CD96: variants seen among roughly 807,000 people sequenced by gnomAD.
CD96 encodes CD96 molecule, also known as T-cell surface protein tactile.
In CD96, 70 loss-of-function variants were observed where a neutral mutation model predicts 71.3. The observed-to-expected ratio is 0.98, with a 90% CI of 0.81 to 1.20. CD96 has a LOEUF of 1.20. Among genes scored for constraint, CD96 ranks in the 50% most tolerant of loss-of-function variants. The pLI is 0.00. For synonymous variants in CD96, 248 were observed against 233.0 expected (o/e 1.06, Z -0.59); for missense variants, 742 against 677.5 (o/e 1.10, Z -1.06).
chr3:111,544,978 A>T, intron 1 of CD96, 68 bp from the exon 2 acceptor site: 1 of 1,337,718 alleles, frequency 7.5e-7, no homozygotes, highest in Non-Finnish European at 1.1e-6. Flanking sequence ...TGAAGTGACT[A>T]GGGTTTTTAA....
chr3:111,638,157 T>C lies in CD96; in HGVS notation c.1466T>C (p.Val489Ala). 1 of 1,585,922 alleles carries C rather than the reference T, an allele frequency of 6.3e-7. No individual in the cohort carries two copies. The highest frequency in any genetic ancestry group is 1.3e-5 in the African/African-American group (1 of 74,466). Residue 489 changes from valine to alanine, a missense_variant, in exon 12 of 14, where the codon GTC becomes GCC. Coordinates refer to ENST00000352690, the MANE Select transcript of CD96 (RefSeq NM_005816.5). ...AATGGATCTACGAAAACTAATCACG[T>C]CCATATCACTGGTAAGTCATTTATC... ...TANGSTKTNH[V>A]HITGIVVNKP...
At chr3:111,624,127 A>C (rs1196784833) in intron 9 of CD96, among the ~76,000 whole-genome samples, 1 of 152,236 alleles carries the variant, frequency 6.6e-6, no homozygotes. Flanking sequence ...GAACAGAAAA[A>C]GAACACAAAT....
intron 10 of CD96, among the ~76,000 whole-genome samples, chr3:111,631,936 T>G (rs1206933991): frequency 6.6e-6 from 1 of 152,152 alleles, no homozygotes; most frequent in Admixed American, 6.5e-5. Context: ...TGCAGAAAAC[T>G]TAAACTGGAC....
At chr3:111,655,126 A>G (rs1440849244), downstream of CD96, among the ~76,000 whole-genome samples, 1 of 152,212 alleles carries the variant, frequency 6.6e-6, no homozygotes, top group Non-Finnish European at 1.5e-5. Context: ...ATTGGGTTGC[A>G]TTGGATTTTT....
rs182673744 is a variant in CD96, at chr3:111,586,149, T to C, written c.807+771T>C. 2.5e-3 allele frequency among the ~76,000 whole-genome samples: 386 copies of C among 152,322 alleles called. 3 individuals carry two copies. The highest frequency in any genetic ancestry group is 4.2e-3 in the Non-Finnish European group (286 of 68,022). ...TATATTAAGTGTTTAATAAACATTATTGTTCTTGTTTTTGTTATTATTATT... is the reference window on the plus strand; with the variant it reads ...TATATTAAGTGTTTAATAAACATTACTGTTCTTGTTTTTGTTATTATTATT... On this transcript the variant is annotated intron_variant, in intron 5 of 13. Coordinates refer to ENST00000352690, the MANE Select transcript of CD96 (RefSeq NM_005816.5).
intron 10 of CD96, among the ~76,000 whole-genome samples, chr3:111,631,715 C>G (rs1033366872): frequency 6.6e-6 from 1 of 152,062 alleles, no homozygotes; most frequent in Non-Finnish European, 1.5e-5. Context: ...TCATGCTACC[C>G]AACTTCAAAC....
chr3:111,543,992 C>T (rs1175997923), intron 1 of CD96, among the ~76,000 whole-genome samples: 1 of 152,156 alleles, frequency 6.6e-6, no homozygotes, highest in Non-Finnish European at 1.5e-5. Flanking sequence ...GCCTGGATGC[C>T]TGAATTAAAT....
chr3:111,619,264 T>C (rs1051690502), intron 8 of CD96, among the ~76,000 whole-genome samples: 1 of 1,764 alleles, frequency 5.7e-4, no homozygotes, highest in Non-Finnish European at 5.1e-3. Flanking sequence ...AAGGGTGGGT[T>C]TTTTTTTATT....
chr3:111,561,130 T>A (rs1935373627), intron 2 of CD96, among the ~76,000 whole-genome samples: 1 of 117,418 alleles, frequency 8.5e-6, no homozygotes, highest in Admixed American at 9.0e-5. Flanking sequence ...TTCAAAGTTT[T>A]CAACTTCTTT....
At chr3:111,594,495 C>G (rs543484766) in intron 5 of CD96, 3 of 329,700 alleles carry the variant, frequency 9.1e-6, no homozygotes, top group East Asian at 1.0e-4. Context: ...CATATCAGTT[C>G]CTGTAGCAAA....
At chr3:111,643,243 C>T (rs1352712178) in intron 12 of CD96, among the ~76,000 whole-genome samples, 1 of 152,070 alleles carries the variant, frequency 6.6e-6, no homozygotes, top group East Asian at 1.9e-4. Flanking sequence ...ACATGATCAT[C>T]TCAATTGATA....
chr3:111,632,847 T>C (rs1939139433), intron 10 of CD96, among the ~76,000 whole-genome samples: 1 of 152,244 alleles, frequency 6.6e-6, no homozygotes, highest in South Asian at 2.1e-4. Flanking sequence ...GAATCTGTTA[T>C]TTTCAGCAAA....
chr3:111,638,297 G>A (rs1398441337), intron 12 of CD96, 129 bp downstream of exon 12: 2 of 735,570 alleles, frequency 2.7e-6, no homozygotes, highest in East Asian at 2.6e-5. Flanking sequence ...GCTTTTTGAA[G>A]ATTATAATCT....
At chr3:111,552,542 T>A (rs903680387) in intron 2 of CD96, among the ~76,000 whole-genome samples, 1 of 152,144 alleles carries the variant, frequency 6.6e-6, no homozygotes, top group Non-Finnish European at 1.5e-5. Context: ...AAATACTAAA[T>A]ATTTTAGGCT....
rs748357092 is a variant in CD96 at position 111,579,239 on chromosome 3, G to C, written c.751+5G>C. 3 of 1,525,772 alleles carry C rather than the reference G, an allele frequency of 2.0e-6. No individual in the cohort carries two copies. Among genetic ancestry groups the C allele is most frequent in the East Asian group, 4.5e-5 (2 of 44,488 alleles). 94.5% of individuals were successfully genotyped at this position (1,525,772 alleles called of 1,614,324 possible). ...CCACCACAGTCAAGGTTTTTGGTAAGGGCTTTTGTTCTACAGACTCACTGG... is the reference window on the plus strand; with the variant it reads ...CCACCACAGTCAAGGTTTTTGGTAACGGCTTTTGTTCTACAGACTCACTGG... On this transcript the variant is annotated splice_donor_5th_base_variant and intron_variant, in intron 4 of 13. Transcript: ENST00000352690.
intron 3 of CD96, among the ~76,000 whole-genome samples, chr3:111,578,093 C>A (rs1337923582): frequency 6.6e-6 from 1 of 152,176 alleles, no homozygotes; most frequent in Non-Finnish European, 1.5e-5. Flanking sequence ...AGCAGCTCAA[C>A]TGAGAATGTT....
intron 14 of CD96, among the ~76,000 whole-genome samples, chr3:111,657,592 A>AT (rs1940263792): frequency 6.6e-6 from 1 of 152,148 alleles, no homozygotes; most frequent in Non-Finnish European, 1.5e-5. Flanking sequence ...AAGCAAAGCA[A>AT]TTTTGAAACA....
chr3:111,657,253 A>C (rs1296255614), downstream of CD96, among the ~76,000 whole-genome samples: 1 of 152,048 alleles, frequency 6.6e-6, no homozygotes, highest in African/African-American at 2.4e-5. Flanking sequence ...CCCCATCTCT[A>C]CTAAAAATAC....
At chr3:111,587,689 G>A (rs559219076) in intron 5 of CD96, among the ~76,000 whole-genome samples, 1 of 152,302 alleles carries the variant, frequency 6.6e-6, no homozygotes, top group South Asian at 2.1e-4. Context: ...GGGCATCCAG[G>A]CATTCCCATA....
Sources: gnomAD v4.1 joint callset for allele counts (sites outside exome capture counted in the v4.1 genomes callset) on GRCh38, gnomAD v4.1.1 for gene constraint, MANE v1.5 for transcripts, NCBI Gene and HGNC (gene_info 2026-07-23, HGNC 2026-07-21) for gene names.